LRRN2: variants seen among roughly 807,000 people sequenced by gnomAD.
LRRN2 encodes leucine rich repeat neuronal 2.
In LRRN2, 10 loss-of-function variants were observed where a neutral mutation model predicts 35.7. The ratio of observed to expected loss-of-function variants is 0.28; its 90% CI spans 0.17 to 0.47. The LOEUF (loss-of-function observed/expected upper bound fraction) is 0.47. LRRN2 is among the 20% of genes least tolerant of loss of function. LRRN2 has a pLI of 0.99. For synonymous variants in LRRN2, 391 were observed against 409.6 expected, an observed-to-expected ratio of 0.95 and a Z score of 0.55; for missense variants, 731 against 940.3, an observed-to-expected ratio of 0.78 and a Z score of 2.91.
At chr1:204,630,193 T>C (rs1355805861) in intron 1 of LRRN2, among the ~76,000 whole-genome samples, 1 of 152,040 alleles carries the variant, frequency 6.6e-6, no homozygotes, top group Non-Finnish European at 1.5e-5. Context: ...TGGCCCTGGA[T>C]GAACAGAGGG....
intron 1 of LRRN2, among the ~76,000 whole-genome samples, chr1:204,683,766 AAGG>A (rs1669004602): frequency 6.6e-6 from 1 of 152,144 alleles, no homozygotes; most frequent in Non-Finnish European, 1.5e-5. Context: ...CCTCCGCAAG[AAGG>A]AGAAGCCTGA....
intron 1 of LRRN2, among the ~76,000 whole-genome samples, chr1:204,643,258 A>G (rs1257431861): frequency 6.6e-6 from 1 of 152,216 alleles, no homozygotes; most frequent in Non-Finnish European, 1.5e-5. Context: ...TCCAGAGAGA[A>G]AGCCTTCTTA....
chr1:204,656,709 C>T (rs984969930), intron 1 of LRRN2, among the ~76,000 whole-genome samples: 22 of 152,186 alleles, frequency 1.4e-4, no homozygotes, highest in Admixed American at 1.3e-3. Flanking sequence ...AGTTCCATGA[C>T]CTATTTGCGT....
chr1:204,632,628 CAA>C lies in LRRN2; in HGVS notation c.-226-12412_-226-12411del, dbSNP rs10719120. Among the ~76,000 whole-genome samples, 339 of 104,490 alleles carry C rather than the reference CAA, an allele frequency of 3.2e-3. 1 individual carries two copies. Among genetic ancestry groups the C allele is most frequent in the South Asian group, 0.011 (32 of 2,966 alleles). The allele number at this position is 104,490 out of a possible 152,430, so 68.5% of individuals were successfully genotyped here. A position where few individuals can be genotyped will look rare whatever the true frequency, so the allele number is the denominator to read the frequency against. On this transcript the variant is annotated intron_variant, in intron 1 of 1. Transcript: ENST00000367177. ...TGGGTGACAGAGTGAGACTCTGTCT[CAA>C]AAAAAAAAAAAAAAAAATTCGCCAC...
At chr1:204,660,579 A>T (rs2772230) in intron 1 of LRRN2, among the ~76,000 whole-genome samples, 286 of 95,186 alleles carry the variant, frequency 3.0e-3, no homozygotes, top group Admixed American at 5.3e-3. Context: ...ACACACACAC[A>T]CTCTCTCTCT....
chr1:204,634,687 C>T (rs1454249067), intron 1 of LRRN2, among the ~76,000 whole-genome samples: 1 of 152,174 alleles, frequency 6.6e-6, no homozygotes, highest in African/African-American at 2.4e-5. Context: ...AGAAAGAATC[C>T]TCCTCTACAG....
At chr1:204,646,310 T>C (rs990200212) in intron 1 of LRRN2, among the ~76,000 whole-genome samples, 1 of 152,106 alleles carries the variant, frequency 6.6e-6, no homozygotes, top group African/African-American at 2.4e-5. Flanking sequence ...CCATGCTTTC[T>C]TGGGGTAGGC....
intron 1 of LRRN2, among the ~76,000 whole-genome samples, chr1:204,667,111 C>T (rs1668589378): frequency 6.6e-6 from 1 of 151,892 alleles, no homozygotes; most frequent in Non-Finnish European, 1.5e-5. Flanking sequence ...CGTGGCTATA[C>T]AGGAGCAGCA....
chr1:204,668,332 C>T (rs1668633393), intron 1 of LRRN2, among the ~76,000 whole-genome samples: 2 of 152,302 alleles, frequency 1.3e-5, no homozygotes, highest in South Asian at 4.1e-4. Flanking sequence ...TGGTGACTCA[C>T]ACCTGTAATC....
intron 1 of LRRN2, among the ~76,000 whole-genome samples, chr1:204,637,714 GGT>G (rs10581422): frequency 0.47 from 69,405 of 146,870 alleles, 16,850 homozygotes; most frequent in Admixed American, 0.54. Context: ...TCGCTGAGAG[GGT>G]GGTAGAGAGG....
chr1:204,639,095 A>G (rs1032503498), intron 1 of LRRN2, among the ~76,000 whole-genome samples: 2 of 152,208 alleles, frequency 1.3e-5, no homozygotes, highest in Admixed American at 1.3e-4. Flanking sequence ...CCTGGGCCAT[A>G]AGGGCTCTCT....
chr1:204,639,993 A>G (rs918103360), intron 1 of LRRN2, among the ~76,000 whole-genome samples: 1 of 152,216 alleles, frequency 6.6e-6, no homozygotes. Flanking sequence ...CATATACCAT[A>G]AATTCACAAT....
chr1:204,667,367 C>T (rs1668595371), intron 1 of LRRN2, among the ~76,000 whole-genome samples: 1 of 152,054 alleles, frequency 6.6e-6, no homozygotes, highest in Non-Finnish European at 1.5e-5. Context: ...TTAATCCATA[C>T]TTTTTTTAAA....
chr1:204,654,436 T>TA (rs1668301291), intron 1 of LRRN2, among the ~76,000 whole-genome samples: 1 of 152,258 alleles, frequency 6.6e-6, no homozygotes, highest in African/African-American at 2.4e-5. Flanking sequence ...TGTTAGGCCT[T>TA]AGTTTTTTCA....
chr1:204,677,957 C>T (rs964240221), intron 1 of LRRN2, among the ~76,000 whole-genome samples: 2 of 152,112 alleles, frequency 1.3e-5, no homozygotes, highest in Non-Finnish European at 2.9e-5. Context: ...TCAGTGACCT[C>T]CCCTCCAGCA....
rs575793552 is a variant in LRRN2, at chr1:204,643,260, G to A, written c.-226-23042C>T. On this transcript the variant is annotated intron_variant, in intron 1 of 1. Coordinates refer to ENST00000367177, the MANE Select transcript of LRRN2 (RefSeq NM_201630.2). ...TTCCCCCAGCATCTCCAGAGAGAAA[G>A]CCTTCTTAATCTGAAGTCCTCAGTT... Among the ~76,000 whole-genome samples, 66 of 152,342 alleles carry A rather than the reference G, an allele frequency of 4.3e-4. 1 individual carries two copies. In the South Asian group the frequency reaches 0.01, roughly 24 times the overall value.
Position 204,639,246 on chromosome 1 carries a change from T to C in LRRN2, c.-226-19028A>G, listed in dbSNP as rs146326499. On this transcript the variant is annotated intron_variant, in intron 1 of 1. Coordinates refer to ENST00000367177, the MANE Select transcript of LRRN2 (RefSeq NM_201630.2). ...TACAAAGATTCATTGAGCCCAATCC[T>C]GTGTACAGGATCACAGAGATGAATA... 9.4e-4 allele frequency among the ~76,000 whole-genome samples: 143 copies of C among 152,368 alleles called. 1 individual carries two copies. In the East Asian group the frequency reaches 0.019, roughly 20 times the overall value.
rs1266391709 is a variant in LRRN2, at chr1:204,619,706, G to A, written c.287C>T (p.Thr96Ile). 2.5e-6 allele frequency: 4 copies of A among 1,614,228 alleles called. No individual in the cohort carries two copies. Among genetic ancestry groups the A allele is most frequent in the East Asian group, 2.2e-5 (1 of 44,888 alleles). ...QSELGYLANL[T>I]ELDLSQNSFS... The stretch of plus-strand genomic sequence containing the variant: ...GCTGTTCTGGGACAGGTCCAGCTCT[G>A]TGAGATTGGCCAGGTAGCCCAGCTC... The change falls in exon 2 of 2, where the codon ACA (threonine) becomes ATA (isoleucine). Residue 96 changes from threonine to isoleucine, a missense_variant. Thr to Ile is a moderately conservative substitution (Grantham distance 89, BLOSUM62 -1). Around this residue, in one of 3 missense-constraint regions of LRRN2, gnomAD observed 246 missense variants for 289.5 expected, o/e 0.85. Transcript: ENST00000367177.
chr1:204,675,386 C>T (rs1668802972), intron 1 of LRRN2, among the ~76,000 whole-genome samples: 1 of 152,222 alleles, frequency 6.6e-6, no homozygotes, highest in Non-Finnish European at 1.5e-5. Context: ...GTCTCCCCGG[C>T]TTCAAGCTAG....
Sources: allele counts gnomAD v4.1 joint callset (sites outside exome capture counted in the v4.1 genomes callset), GRCh38; gene constraint gnomAD v4.1.1; regional missense constraint gnomAD v4.1.1; transcripts MANE v1.5; gene names NCBI Gene and HGNC (gene_info 2026-07-23, HGNC 2026-07-21).